The following ZNF3 variants were observed in gnomAD, a reference collection of about 807,000 sequenced individuals.
ZNF3 encodes the protein C2-H2 type zinc finger protein.
In ZNF3, 16 loss-of-function variants were observed where a neutral mutation model predicts 36.9. That is an observed-to-expected ratio of 0.43 (90% confidence interval 0.29 to 0.66). The LOEUF is 0.66. Ranked by LOEUF, ZNF3 falls within the 30% of genes least tolerant of loss-of-function variation. The probability of loss-of-function intolerance (pLI) is 0.13; values close to 1 mark genes in which losing one functional copy is unlikely to be tolerated. For synonymous variants in ZNF3, 201 were observed against 201.9 expected (o/e 1.00, Z 0.04); for missense variants, 462 against 543.1 (o/e 0.85, Z 1.48).
chr7:100,077,426 A>C lies in ZNF3; in HGVS notation c.-69T>G. On this transcript the variant is annotated 5_prime_UTR_variant, in exon 3 of 6. Coordinates refer to ENST00000299667, the MANE Select transcript of ZNF3 (RefSeq NM_032924.5). ...GGGAAGCGGGTTTTAAAAGAGAATG[A>C]GGAAGCACTGCAGAAGCAAAAGTTC... The C allele has an allele frequency of 6.2e-7, 1 of 1,612,170 alleles. No individual in the cohort carries two copies. Among genetic ancestry groups the C allele is most frequent in the Non-Finnish European group, 8.5e-7 (1 of 1,178,822 alleles).
rs758921381 is a variant in ZNF3, at chr7:100,075,568, C to A, written c.118G>T (p.Ala40Ser). 16 of 1,614,126 alleles carry A rather than the reference C, an allele frequency of 9.9e-6. No homozygotes were observed. The highest frequency in any genetic ancestry group is 1.3e-5 in the Non-Finnish European group (15 of 1,180,022). Residue 40 changes from alanine (A) to serine (S), a missense_variant, in exon 4 of 6, where the codon GCT becomes TCT. Coordinates refer to ENST00000299667, the MANE Select transcript of ZNF3 (RefSeq NM_032924.5). The stretch of plus-strand genomic sequence containing the variant: ...TGGGACTTGGCCTTTAGGAGCGCAG[C>A]CGCCAACATCTCATCCCCCAGGCTG... ...KDSLGDEMLA[A>S]ALLKAKSQEL... is the part of the protein sequence containing the mutation.
At position 100,081,192 on chromosome 7, in the gene ZNF3, A is replaced by G. The variant is rs967191137; in HGVS notation, c.-198+443T>C. Among the ~76,000 whole-genome samples, 2 of 152,222 alleles carry G rather than the reference A, an allele frequency of 1.3e-5. No individual in the cohort carries two copies. The highest frequency in any genetic ancestry group is 6.5e-5 in the Admixed American group (1 of 15,276). On this transcript the variant is annotated intron_variant, in intron 1 of 5. Transcript: ENST00000299667. The surrounding 1 kb of genome is among the most constrained non-coding windows in gnomAD (Gnocchi z 4.3). ...GCCCTCGTGCTAACTGCGTACGCTTAGCAGAATTTCTCTGATCCTTGGACC... is the reference window on the plus strand; with the variant it reads ...GCCCTCGTGCTAACTGCGTACGCTTGGCAGAATTTCTCTGATCCTTGGACC...
rs199856343 is a variant in ZNF3, at chr7:100,072,068, G to A, written c.416C>T (p.Pro139Leu). The change falls in exon 6 of 6, where the codon CCG becomes CTG. Residue 139 changes from proline to leucine, a missense_variant. Pro to Leu is a moderately conservative substitution (Grantham distance 98, BLOSUM62 -3). Coordinates refer to ENST00000299667, the MANE Select transcript of ZNF3 (RefSeq NM_032924.5). Reference protein sequence around the residue: ...AYEREVSLKRPLGNSPGERLN... With the variant: ...AYEREVSLKRLLGNSPGERLN... ...TCTTTCTCCAGGGGAGTTCCCCAGC[G>A]GCCTTTTCAGACTGACTTCTCGTTC... 1.1e-4 allele frequency: 184 copies of A among 1,614,020 alleles called. No individual in the cohort carries two copies. The highest frequency in any genetic ancestry group is 1.4e-4 in the Non-Finnish European group (162 of 1,180,044).
At chr7:100,066,717 A>G (rs1439064579), downstream of ZNF3, among the ~76,000 whole-genome samples, 1 of 150,856 alleles carries the variant, frequency 6.6e-6, no homozygotes, top group Non-Finnish European at 1.5e-5. Context: ...AGCCTGGGCA[A>G]CACAGTGAGA....
At chr7:100,077,220 G>T in intron 3 of ZNF3, 83 bp downstream of exon 3, 1 of 1,548,684 alleles carries the variant, frequency 6.5e-7, no homozygotes, top group Non-Finnish European at 8.9e-7. Flanking sequence ...CTAGTAGTTA[G>T]CCTAGTACCT....
Position 100,081,712 on chromosome 7 carries a change from C to G in ZNF3, c.-275G>C, listed in dbSNP as rs1042026523. ...TGGACCCTGTCACAGACCCACACAC[C>G]GGGGACAGAACAAAGAACGGAAGTT... On this transcript the variant is annotated 5_prime_UTR_variant, in exon 1 of 6. Transcript: ENST00000299667. This position sits in a 1 kb window ranked among gnomAD's most constrained non-coding sequence, Gnocchi z 4.3. 2.0e-5 allele frequency: 3 copies of G among 152,446 alleles called. No individual in the cohort carries two copies. Among genetic ancestry groups the G allele is most frequent in the African/African-American group, 7.2e-5 (3 of 41,464 alleles). 9.4% of individuals were successfully genotyped at this position (152,446 alleles called of 1,614,324 possible). A position where few individuals can be genotyped will look rare whatever the true frequency, so the allele number is the denominator to read the frequency against.
At chr7:100,065,053 A>T, downstream of ZNF3, 1 of 1,058,912 alleles carries the variant, frequency 9.4e-7, no homozygotes, top group Non-Finnish European at 1.3e-6. Flanking sequence ...CCTCAGGACT[A>T]TTATTATAAC....
downstream of ZNF3, among the ~76,000 whole-genome samples, chr7:100,069,699 C>T (rs1259329663): frequency 1.3e-5 from 2 of 151,894 alleles, no homozygotes; most frequent in South Asian, 2.1e-4. Flanking sequence ...CCACAACCTG[C>T]GCCTCCCGGG....
At chr7:100,064,480 T>C in exon 6 of ZNF3, 1 of 1,613,910 alleles carries the variant, frequency 6.2e-7, no homozygotes, top group Non-Finnish European at 8.5e-7. Context: ...CAACCACAGC[T>C]CCAACTTCAA....
At chr7:100,065,246 G>A (rs1161494201), downstream of ZNF3, among the ~76,000 whole-genome samples, 8 of 152,218 alleles carry the variant, frequency 5.3e-5, no homozygotes, top group South Asian at 6.2e-4. Context: ...GGCCAAAATG[G>A]CGAAACACTG....
Position 100,071,010 on chromosome 7 carries a change from G to GC in ZNF3, c.*132dup. 6.8e-7 allele frequency: 1 copy of GC among 1,471,130 alleles called. No homozygotes were observed. Among genetic ancestry groups the GC allele is most frequent in the Non-Finnish European group, 9.0e-7 (1 of 1,115,600 alleles). The allele number at this position is 1,471,130 out of a possible 1,614,324, so 91.1% of individuals were successfully genotyped here. A position where few individuals can be genotyped will look rare whatever the true frequency, so the allele number is the denominator to read the frequency against. The stretch of plus-strand genomic sequence containing the variant: ...GATTTCTGGGAAAATTCAACGATTT[G>GC]CCCCATCTGCCCCATTCTCTAAAAT... On this transcript the variant is annotated 3_prime_UTR_variant, in exon 6 of 6. Coordinates refer to ENST00000299667, the MANE Select transcript of ZNF3 (RefSeq NM_032924.5).
exon 6 of ZNF3, chr7:100,064,907 T>C (rs1792565732): frequency 1.2e-6 from 2 of 1,613,814 alleles, no homozygotes. Flanking sequence ...CAGACGTGTA[T>C]CCAGTCTAGT....
In ZNF3 at chr7:100,071,633, T is replaced by C; in HGVS notation, c.851A>G (p.Tyr284Cys). ...HRRIHTGEKP[Y>C]ECNECGKTFS... Reference sequence around the variant, plus strand: ...GGTCTTCCCACACTCATTACATTCATAGGGTTTCTCCCCCGTGTGGATCCT... The same window carrying C: ...GGTCTTCCCACACTCATTACATTCACAGGGTTTCTCCCCCGTGTGGATCCT... Residue 284 changes from tyrosine (Y) to cysteine (C), a missense_variant, in exon 6 of 6, where the codon TAT (tyrosine) becomes TGT (cysteine). Tyr to Cys is a radical substitution (Grantham distance 194, BLOSUM62 -2). Transcript: ENST00000299667. The C allele has an allele frequency of 6.8e-6, 11 of 1,614,074 alleles. No individual in the cohort carries two copies. The highest frequency in any genetic ancestry group is 9.3e-6 in the Non-Finnish European group (11 of 1,179,938).
At chr7:100,076,008 A>ATT (rs112026004) in intron 3 of ZNF3, among the ~76,000 whole-genome samples, 297 of 139,798 alleles carry the variant, frequency 2.1e-3, no homozygotes, top group African/African-American at 7.1e-3. Flanking sequence ...ATGAAGTTCT[A>ATT]TTTTTTTTTT....
Position 100,075,244 on chromosome 7 carries a change from C to G in ZNF3, c.162G>C (p.Glu54Asp), listed in dbSNP as rs773568269. The G allele has an allele frequency of 2.5e-6, 4 of 1,614,128 alleles. No individual in the cohort carries two copies. Among genetic ancestry groups the G allele is most frequent in the Non-Finnish European group, 3.4e-6 (4 of 1,180,030 alleles). The change falls in exon 5 of 6, where the codon GAG becomes GAC. Residue 54 changes from glutamate to aspartate, a missense_variant. Coordinates refer to ENST00000299667, the MANE Select transcript of ZNF3 (RefSeq NM_032924.5). ...KAKSQELVTF[E>D]DVAVYFIRKE... is the part of the protein sequence containing the mutation. ...TCCGGATGAAGTACACAGCTACATC[C>G]TCAAAGGTTACCAGCTCCTGAAACA...
At chr7:100,065,135 T>C, downstream of ZNF3, 1 of 722,702 alleles carries the variant, frequency 1.4e-6, no homozygotes, top group South Asian at 2.0e-5. Flanking sequence ...TTTAGAAAAT[T>C]TGGATTTGGG....
chr7:100,071,961 T>TA lies in ZNF3; in HGVS notation c.522dup (p.Asn175Ter), dbSNP rs767737013. On this transcript the variant is annotated frameshift_variant, in exon 6 of 6. Transcript: ENST00000299667. LOFTEE classifies it high-confidence loss of function. ...ACAGTGAAGCTGTTCCCAAAATCATTATATTTCTCGCTTCTCTCTCCCCTG... is the reference window on the plus strand; with the variant it reads ...ACAGTGAAGCTGTTCCCAAAATCATTAATATTTCTCGCTTCTCTCTCCCCTG... 1 of 1,614,110 alleles carries TA rather than the reference T, an allele frequency of 6.2e-7. No individual in the cohort carries two copies. Among genetic ancestry groups the TA allele is most frequent in the Non-Finnish European group, 8.5e-7 (1 of 1,179,992 alleles).
At chr7:100,073,954 G>A (rs981970768) in intron 5 of ZNF3, among the ~76,000 whole-genome samples, 6 of 151,966 alleles carry the variant, frequency 3.9e-5, no homozygotes, top group East Asian at 3.9e-4. Context: ...TCAGGAGTTC[G>A]AGACCAGCCT....
chr7:100,065,261 T>A (rs1792587835), downstream of ZNF3, among the ~76,000 whole-genome samples: 2 of 152,126 alleles, frequency 1.3e-5, no homozygotes, highest in African/African-American at 4.8e-5. Flanking sequence ...ACACTGTCTC[T>A]ACTAAAGATA....
Sources: gnomAD v4.1 joint callset for allele counts (sites outside exome capture counted in the v4.1 genomes callset) on GRCh38, gnomAD v4.1.1 for gene constraint, Gnocchi (gnomAD v3.1) non-coding constraint, MANE v1.5 for transcripts, NCBI Gene and HGNC (gene_info 2026-07-23, HGNC 2026-07-21) for gene names.